Variants in PTPRT observed in about 807,000 individuals in gnomAD.
The protein encoded by PTPRT is receptor-type tyrosine-protein phosphatase T.
Under a neutral mutation model 176.8 loss-of-function variants are expected in PTPRT, and 56 were observed. The observed-to-expected ratio is 0.32, with a 90% CI of 0.26 to 0.40. PTPRT has a LOEUF of 0.40. PTPRT is among the 10% of genes least tolerant of loss of function. PTPRT has a pLI of 1.00. For missense variants in PTPRT, 1,540 were observed against 1,908.2 expected, an observed-to-expected ratio of 0.81 and a Z score of 3.60; for synonymous variants, 783 against 739.0, an observed-to-expected ratio of 1.06 and a Z score of -0.96.
intron 2 of PTPRT, among the ~76,000 whole-genome samples, chr20:42,836,122 A>C (rs1357954616): frequency 6.6e-6 from 1 of 152,040 alleles, no homozygotes; most frequent in African/African-American, 2.4e-5. Context: ...ATCTGTATCC[A>C]CCTCAGATGC....
rs756474128 is a variant in PTPRT at position 42,350,632 on chromosome 20, C to T, written c.1861G>A (p.Val621Ile). 1 of 1,605,068 alleles carries T rather than the reference C, an allele frequency of 6.2e-7. No individual in the cohort carries two copies. Among genetic ancestry groups the T allele is most frequent in the Non-Finnish European group, 8.5e-7 (1 of 1,171,736 alleles). ...LKPAQSRGAP[V>I]SVYQLVVKEE... ...CAAGTGAAGAACCATCCTCACCTGA[C>T]AGGAGCTCCCCGGGACTGAGCGGGT... The change falls in exon 11 of 31, where the codon GTC becomes ATC. Residue 621 changes from valine to isoleucine, a missense_variant. By Grantham distance (29) the Val-to-Ile change is conservative (BLOSUM62 3). Around this residue, in one of 11 missense-constraint regions of PTPRT, gnomAD observed 81 missense variants for 89.9 expected, o/e 0.90. Transcript: ENST00000373187.
intron 12 of PTPRT, among the ~76,000 whole-genome samples, chr20:42,308,527 C>T (rs1025473154): frequency 1.3e-5 from 2 of 152,128 alleles, no homozygotes; most frequent in African/African-American, 4.8e-5. Context: ...TCTTCCCCCT[C>T]AGAAGAGGAG....
intron 1 of PTPRT, among the ~76,000 whole-genome samples, chr20:42,979,962 T>C (rs568220520): frequency 1.0e-3 from 90 of 88,762 alleles, no homozygotes; most frequent in African/African-American, 4.0e-3. Flanking sequence ...CCGGAGAGCA[T>C]GCAAGTATGC....
chr20:42,165,235 A>G (rs951522184), intron 16 of PTPRT, among the ~76,000 whole-genome samples: 1 of 152,096 alleles, frequency 6.6e-6, no homozygotes, highest in Non-Finnish European at 1.5e-5. Context: ...CTTTAGTCAC[A>G]TATTTCCATC....
chr20:42,807,607 C>T (rs2145606813), intron 2 of PTPRT, among the ~76,000 whole-genome samples: 1 of 152,198 alleles, frequency 6.6e-6, no homozygotes, highest in East Asian at 1.9e-4. Context: ...CCACTTTTCC[C>T]TTGTCCTGAC....
chr20:42,231,338 G>C (rs1408570163), intron 15 of PTPRT, among the ~76,000 whole-genome samples: 1 of 152,214 alleles, frequency 6.6e-6, no homozygotes. Context: ...ATGTGGTCCT[G>C]AGTTCAAACT....
chr20:42,303,853 A>T (rs1445369178), intron 12 of PTPRT, among the ~76,000 whole-genome samples: 1 of 152,180 alleles, frequency 6.6e-6, no homozygotes, highest in African/African-American at 2.4e-5. Flanking sequence ...TGAATATAGA[A>T]GGTGATGTAT....
chr20:43,069,163 G>T (rs574254833), intron 1 of PTPRT, among the ~76,000 whole-genome samples: 18 of 152,176 alleles, frequency 1.2e-4, no homozygotes, highest in Non-Finnish European at 1.8e-4. Context: ...CCCAGCCATG[G>T]CCCTAGGTCC....
At chr20:42,751,592 T>C (rs980696246) in intron 6 of PTPRT, among the ~76,000 whole-genome samples, 1 of 152,160 alleles carries the variant, frequency 6.6e-6, no homozygotes, top group Non-Finnish European at 1.5e-5. Context: ...ACAATGTGGG[T>C]GGACACCATC....
intron 7 of PTPRT, among the ~76,000 whole-genome samples, chr20:42,560,130 T>C (rs1310298441): frequency 6.6e-6 from 1 of 152,228 alleles, no homozygotes; most frequent in African/African-American, 2.4e-5. Flanking sequence ...CTGGGAACTC[T>C]GGGTTGAGTC....
At chr20:42,433,627 C>T (rs2059235554) in intron 9 of PTPRT, among the ~76,000 whole-genome samples, 1 of 152,162 alleles carries the variant, frequency 6.6e-6, no homozygotes, top group Non-Finnish European at 1.5e-5. Flanking sequence ...AGGAAATAAG[C>T]AAACTGAAAT....
chr20:42,955,289 A>ACT (rs369912300), intron 1 of PTPRT, among the ~76,000 whole-genome samples: 116 of 152,320 alleles, frequency 7.6e-4, no homozygotes, highest in African/African-American at 2.6e-3. Flanking sequence ...GCCAGTTAGT[A>ACT]AAGTTGCACG....
At chr20:42,736,141 G>A (rs2076536269) in intron 6 of PTPRT, among the ~76,000 whole-genome samples, 1 of 152,174 alleles carries the variant, frequency 6.6e-6, no homozygotes, top group Non-Finnish European at 1.5e-5. Context: ...AGAGGTTCCT[G>A]CTGTTGATTT....
chr20:42,712,726 G>A (rs2076163553), intron 6 of PTPRT, among the ~76,000 whole-genome samples: 1 of 152,218 alleles, frequency 6.6e-6, no homozygotes, highest in Non-Finnish European at 1.5e-5. Context: ...CCCCTATGGA[G>A]AATAATTTGG....
Position 42,489,491 on chromosome 20 carries a change from C to T in PTPRT, c.1154-16929G>A, listed in dbSNP as rs1186437380. 2.7e-5 allele frequency among the ~76,000 whole-genome samples: 4 copies of T among 149,260 alleles called. No homozygotes were observed. In the South Asian group the frequency reaches 8.5e-4, roughly 32 times the overall value. ...TGGGGTCATTTGTTCCTCGAGCATACCTAGCCTATCCTGACTTTTTTTTTT... is the reference window on the plus strand; with the variant it reads ...TGGGGTCATTTGTTCCTCGAGCATATCTAGCCTATCCTGACTTTTTTTTTT... On this transcript the variant is annotated intron_variant, in intron 7 of 30. Coordinates refer to ENST00000373187, the MANE Select transcript of PTPRT (RefSeq NM_007050.6).
chr20:42,243,967 G>A (rs1428114458), intron 14 of PTPRT, among the ~76,000 whole-genome samples: 1 of 152,284 alleles, frequency 6.6e-6, no homozygotes, highest in African/African-American at 2.4e-5. Context: ...TATTAGTAAC[G>A]GGTTTGGAGC....
intron 1 of PTPRT, among the ~76,000 whole-genome samples, chr20:43,009,660 G>A (rs962051874): frequency 6.6e-6 from 1 of 152,172 alleles, no homozygotes; most frequent in Admixed American, 6.5e-5. Flanking sequence ...CCCGTGACGC[G>A]TAGGCAGGAA....
At chr20:42,147,982 G>A (rs1017925733) in intron 17 of PTPRT, among the ~76,000 whole-genome samples, 2 of 152,178 alleles carry the variant, frequency 1.3e-5, no homozygotes, top group Admixed American at 1.3e-4. Flanking sequence ...GTATGAAAGA[G>A]AGACTCATTT....
At chr20:42,555,863 T>A (rs1384160165) in intron 7 of PTPRT, among the ~76,000 whole-genome samples, 1 of 152,164 alleles carries the variant, frequency 6.6e-6, no homozygotes, top group Non-Finnish European at 1.5e-5. Flanking sequence ...GCGAGAGCCA[T>A]GCCTCCAGCA....
Sources: allele counts gnomAD v4.1 joint callset (sites outside exome capture counted in the v4.1 genomes callset), GRCh38; gene constraint gnomAD v4.1.1; regional missense constraint gnomAD v4.1.1; transcripts MANE v1.5; gene names NCBI Gene and HGNC (gene_info 2026-07-23, HGNC 2026-07-21).